PAPSS1: variants seen among roughly 807,000 people sequenced by gnomAD.
The protein encoded by PAPSS1 is bifunctional 3'-phosphoadenosine 5'-phosphosulfate synthase 1.
PAPSS1 carries 50 observed loss-of-function variants against 72.0 expected under a neutral mutation model. That is an observed-to-expected ratio of 0.69 (90% CI 0.55 to 0.88). The LOEUF is 0.88. Among genes scored for constraint, PAPSS1 ranks in the 40% least tolerant of loss-of-function variants. The pLI, the probability that PAPSS1 is intolerant of heterozygous loss-of-function variation, is 0.00. For missense variants in PAPSS1, 657 were observed against 782.2 expected (o/e 0.84, Z 1.91); for synonymous variants, 261 against 263.6 (o/e 0.99, Z 0.09).
chr4:107,651,864 G>A (rs1174751155), intron 9 of PAPSS1, among the ~76,000 whole-genome samples: 1 of 152,146 alleles, frequency 6.6e-6, no homozygotes, highest in Non-Finnish European at 1.5e-5. Context: ...ACTTTTTAAA[G>A]TAAAATGTTA....
chr4:107,720,003 C>T, intron 1 of PAPSS1, 117 bp downstream of exon 1: 1 of 1,508,710 alleles, frequency 6.6e-7, no homozygotes, highest in South Asian at 1.2e-5. Context: ...CCGGAACCCA[C>T]CTCCGCGCTC....
intron 5 of PAPSS1, among the ~76,000 whole-genome samples, chr4:107,670,158 C>T (rs1727430093): frequency 6.6e-6 from 1 of 152,166 alleles, no homozygotes; most frequent in Non-Finnish European, 1.5e-5. Context: ...TTTTAAAAGA[C>T]AACATACTAT....
At chr4:107,702,234 G>A (rs541203650) in intron 1 of PAPSS1, among the ~76,000 whole-genome samples, 4 of 152,224 alleles carry the variant, frequency 2.6e-5, no homozygotes, top group South Asian at 2.1e-4. Flanking sequence ...TTGTTGTTGC[G>A]AAAATAGTAG....
intron 10 of PAPSS1, among the ~76,000 whole-genome samples, chr4:107,636,188 T>C (rs533486703): frequency 1.3e-5 from 2 of 152,294 alleles, no homozygotes; most frequent in South Asian, 2.1e-4. Context: ...TCAGGATTCA[T>C]TACGGGTTGT....
chr4:107,644,980 C>T lies in PAPSS1; in HGVS notation c.1328G>A (p.Gly443Asp), dbSNP rs1329419381. Residue 443 changes from glycine to aspartate, a missense_variant, in exon 10 of 12, where the codon GGC (glycine) becomes GAC (aspartate). Physicochemically the swap from Gly to Asp is moderately conservative, Grantham distance 94 (BLOSUM62 -1). Coordinates refer to ENST00000265174, the MANE Select transcript of PAPSS1 (RefSeq NM_005443.5). ...GAGGAGGAGGACAGGGCGCCGGTAG[C>T]CCCTCTCTAGAAGTTGCTTATGGGT... The part of the protein sequence containing the change: ...QDTHKQLLER[G>D]YRRPVLLLHP... The T allele has an allele frequency of 2.5e-6, 4 of 1,613,474 alleles. No homozygotes were observed. Among genetic ancestry groups the T allele is most frequent in the South Asian group, 2.2e-5 (2 of 90,986 alleles).
intron 5 of PAPSS1, among the ~76,000 whole-genome samples, chr4:107,669,110 T>G (rs1359517915): frequency 1.3e-5 from 2 of 152,206 alleles, no homozygotes; most frequent in Non-Finnish European, 2.9e-5. Flanking sequence ...AACAAATGTC[T>G]TTGTGATAAC....
chr4:107,632,443 T>C (rs149149676), intron 10 of PAPSS1, among the ~76,000 whole-genome samples: 8 of 152,004 alleles, frequency 5.3e-5, no homozygotes, highest in African/African-American at 1.9e-4. Context: ...GGTACTTACA[T>C]AAACTAGTAC....
intron 9 of PAPSS1, among the ~76,000 whole-genome samples, chr4:107,651,413 C>A (rs929485830): frequency 1.3e-5 from 2 of 152,150 alleles, no homozygotes; most frequent in Non-Finnish European, 2.9e-5. Flanking sequence ...CTTCAGTTCA[C>A]ACAACAAAAA....
intron 1 of PAPSS1, among the ~76,000 whole-genome samples, chr4:107,710,187 T>C (rs1723450311): frequency 6.6e-6 from 1 of 152,220 alleles, no homozygotes; most frequent in South Asian, 2.1e-4. Context: ...TATTCTTGGC[T>C]TTCTGGGTTG....
intron 11 of PAPSS1, among the ~76,000 whole-genome samples, chr4:107,617,931 G>C (rs553600913): frequency 6.6e-6 from 1 of 152,144 alleles, no homozygotes; most frequent in East Asian, 1.9e-4. Context: ...ATTACATAAA[G>C]GACTATGACT....
chr4:107,684,852 G>A (rs1279789751), intron 4 of PAPSS1, among the ~76,000 whole-genome samples: 1 of 152,128 alleles, frequency 6.6e-6, no homozygotes, highest in Non-Finnish European at 1.5e-5. Flanking sequence ...AGGACCTCCT[G>A]AGGGCTGTGT....
At chr4:107,697,848 A>G (rs1723108239) in intron 2 of PAPSS1, among the ~76,000 whole-genome samples, 1 of 152,178 alleles carries the variant, frequency 6.6e-6, no homozygotes, top group Non-Finnish European at 1.5e-5. Flanking sequence ...AATCAAATTA[A>G]GAGGAGGTCA....
chr4:107,662,147 G>A (rs560660886), intron 5 of PAPSS1, among the ~76,000 whole-genome samples: 5 of 152,290 alleles, frequency 3.3e-5, no homozygotes, highest in African/African-American at 9.6e-5. Flanking sequence ...AATAAACACC[G>A]CTAGCTACAA....
At chr4:107,691,166 G>C (rs1315714908) in intron 3 of PAPSS1, among the ~76,000 whole-genome samples, 1 of 150,956 alleles carries the variant, frequency 6.6e-6, no homozygotes, top group Non-Finnish European at 1.5e-5. Context: ...ATTCTTACAG[G>C]TCAAATCTTG....
Position 107,687,068 on chromosome 4 carries a change from TAG to T in PAPSS1, c.519_520del (p.Tyr174GlnfsTer9). 8 of 1,597,008 alleles carry T rather than the reference TAG, an allele frequency of 5.0e-6. No individual in the cohort carries two copies. The highest frequency in any genetic ancestry group is 6.8e-6 in the Non-Finnish European group (8 of 1,174,422). ...AATTTCTCCTGCCCGGGCTTTTTTG[TAG>T]AGTCCTTTGACATCCCTCTGTTCAC... is the stretch of plus-strand genomic sequence containing the variant. On this transcript the variant is annotated frameshift_variant, in exon 4 of 12. Transcript: ENST00000265174. LOFTEE classifies it high-confidence loss of function.
intron 1 of PAPSS1, among the ~76,000 whole-genome samples, chr4:107,702,608 G>A (rs1175219689): frequency 6.6e-6 from 1 of 152,048 alleles, no homozygotes; most frequent in Non-Finnish European, 1.5e-5. Context: ...AGATCATATG[G>A]TACTTCCCTT....
chr4:107,716,083 G>A (rs964657123), intron 1 of PAPSS1, among the ~76,000 whole-genome samples: 11 of 152,294 alleles, frequency 7.2e-5, no homozygotes, highest in African/African-American at 2.6e-4. Context: ...CAGAGCTACC[G>A]AGCTACTTTG....
At chr4:107,652,866 G>A (rs375761238) in intron 9 of PAPSS1, among the ~76,000 whole-genome samples, 2 of 151,954 alleles carry the variant, frequency 1.3e-5, no homozygotes, top group Admixed American at 6.6e-5. Context: ...GCGCAGTGTT[G>A]TTTCTTTTAA....
At chr4:107,705,972 A>T (rs1723331209) in intron 1 of PAPSS1, among the ~76,000 whole-genome samples, 1 of 152,204 alleles carries the variant, frequency 6.6e-6, no homozygotes, top group Non-Finnish European at 1.5e-5. Flanking sequence ...CAACACTTTG[A>T]ACATGTCAAC....
Sources: gnomAD v4.1 joint callset for allele counts (sites outside exome capture counted in the v4.1 genomes callset) on GRCh38, gnomAD v4.1.1 for gene constraint, MANE v1.5 for transcripts, NCBI Gene and HGNC (gene_info 2026-07-23, HGNC 2026-07-21) for gene names.